SPRYD4: variants seen among roughly 807,000 people sequenced by gnomAD.
SPRYD4 encodes SPRY domain containing 4.
A neutral mutation model predicts 16.6 loss-of-function variants in SPRYD4; 12 were observed. That is an observed-to-expected ratio of 0.72 (90% CI 0.46 to 1.17). SPRYD4 has a LOEUF of 1.17. Ranked by LOEUF, SPRYD4 falls within the 50% of genes most tolerant of loss-of-function variation. The probability of loss-of-function intolerance (pLI) is 0.00; values close to 1 mark genes in which losing one functional copy is unlikely to be tolerated. For missense variants in SPRYD4, 260 were observed against 260.2 expected (o/e 1.00, Z 0.00); for synonymous variants, 98 against 105.4 (o/e 0.93, Z 0.43).
Position 56,472,100 on chromosome 12 carries a change from C to G in SPRYD4, c.*2523C>G. On this transcript the variant is annotated 3_prime_UTR_variant, in exon 2 of 2. Transcript: ENST00000338146. Reference sequence around the variant, plus strand: ...GTCTTATGATTACCCTCCTCCTCCCCTCCTTAACCCTTCAGTACCTTCAGC... The same window carrying G: ...GTCTTATGATTACCCTCCTCCTCCCGTCCTTAACCCTTCAGTACCTTCAGC... 6.2e-7 allele frequency: 1 copy of G among 1,613,148 alleles called. No homozygotes were observed. Among genetic ancestry groups the G allele is most frequent in the South Asian group, 1.1e-5 (1 of 90,996 alleles).
Position 56,471,874 on chromosome 12 carries a change from G to T in SPRYD4, c.*2297G>T. On this transcript the variant is annotated 3_prime_UTR_variant, in exon 2 of 2. Transcript: ENST00000338146. Reference sequence around the variant, plus strand: ...GCAGAAGGAAAATGAGAAGGCGCAGGTCTTGAACCCTTTGGTGCAGACACT... The same window carrying T: ...GCAGAAGGAAAATGAGAAGGCGCAGTTCTTGAACCCTTTGGTGCAGACACT... The T allele has an allele frequency of 6.3e-7, 1 of 1,599,136 alleles. No homozygotes were observed. Among genetic ancestry groups the T allele is most frequent in the Non-Finnish European group, 8.6e-7 (1 of 1,167,460 alleles).
Position 56,471,191 on chromosome 12 carries a change from G to T in SPRYD4, c.*1614G>T. The T allele has an allele frequency of 9.2e-6, 4 of 434,898 alleles. No homozygotes were observed. The highest frequency in any genetic ancestry group is 1.6e-5 in the Non-Finnish European group (4 of 248,452). 26.9% of individuals were successfully genotyped at this position (434,898 alleles called of 1,614,324 possible). The stretch of plus-strand genomic sequence containing the variant: ...GGTTTCTTCAGGGAGAGGAAGAGGA[G>T]ACCTGGGTGAAGAGCTGGGATGGTT... On this transcript the variant is annotated 3_prime_UTR_variant, in exon 2 of 2. Coordinates refer to ENST00000338146, the MANE Select transcript of SPRYD4 (RefSeq NM_207344.4).
Position 56,473,665 on chromosome 12 carries a change from T to C in SPRYD4, c.*4088T>C. The C allele has an allele frequency of 6.5e-7, 1 of 1,528,774 alleles. No homozygotes were observed. The highest frequency in any genetic ancestry group is 2.0e-5 in the Admixed American group (1 of 49,042). The allele number at this position is 1,528,774 out of a possible 1,614,324, so 94.7% of individuals were successfully genotyped here. On this transcript the variant is annotated 3_prime_UTR_variant, in exon 2 of 2. Coordinates refer to ENST00000338146, the MANE Select transcript of SPRYD4 (RefSeq NM_207344.4). ...ATCAGAAAATAAACAAGTTAGGCTG[T>C]ACTCTTAACAAGTTTACAAATGACT...
Position 56,478,843 on chromosome 12 carries a change from A to G in SPRYD4, c.*9266A>G. On this transcript the variant is annotated 3_prime_UTR_variant, in exon 2 of 2. Coordinates refer to ENST00000338146, the MANE Select transcript of SPRYD4 (RefSeq NM_207344.4). The stretch of plus-strand genomic sequence containing the variant: ...CCCCATCTCTACTAAAAATACAAAA[A>G]TTAGTCGGGCATGGTGGTGTATGCC... 1.9e-6 allele frequency: 1 copy of G among 537,920 alleles called. No homozygotes were observed. Among genetic ancestry groups the G allele is most frequent in the Non-Finnish European group, 3.2e-6 (1 of 315,246 alleles). 33.3% of individuals were successfully genotyped at this position (537,920 alleles called of 1,614,324 possible). A position where few individuals can be genotyped will look rare whatever the true frequency, so the allele number is the denominator to read the frequency against.
Position 56,472,792 on chromosome 12 carries a change from A to C in SPRYD4, c.*3215A>C. ...TACCCACATGACATTAATTGAACTC[A>C]CCTATGCCAGCTGTGCCCTGTGACC... On this transcript the variant is annotated 3_prime_UTR_variant, in exon 2 of 2. Coordinates refer to ENST00000338146, the MANE Select transcript of SPRYD4 (RefSeq NM_207344.4). 1.9e-5 allele frequency: 30 copies of C among 1,580,310 alleles called. No individual in the cohort carries two copies. The highest frequency in any genetic ancestry group is 2.7e-5 in the African/African-American group (2 of 73,760).
In SPRYD4 at chr12:56,471,245, C is replaced by T; in HGVS notation, c.*1668C>T. 2.0e-6 allele frequency: 1 copy of T among 490,938 alleles called. No individual in the cohort carries two copies. The highest frequency in any genetic ancestry group is 4.5e-5 in the South Asian group (1 of 22,182). The allele number at this position is 490,938 out of a possible 1,614,324, so 30.4% of individuals were successfully genotyped here. ...AGTGGGGCAAGCCATTAGGCTGTACCTTGAAGCCCAGTCTCTCTGGATAGC... is the reference window on the plus strand; with the variant it reads ...AGTGGGGCAAGCCATTAGGCTGTACTTTGAAGCCCAGTCTCTCTGGATAGC... On this transcript the variant is annotated 3_prime_UTR_variant, in exon 2 of 2. Transcript: ENST00000338146.
rs1279785119 is a variant in SPRYD4, at chr12:56,474,852, G to A, written c.*5275G>A. The A allele has an allele frequency of 6.2e-7, 1 of 1,614,196 alleles. No individual in the cohort carries two copies. The highest frequency in any genetic ancestry group is 1.1e-5 in the South Asian group (1 of 91,084). On this transcript the variant is annotated 3_prime_UTR_variant, in exon 2 of 2. Transcript: ENST00000338146. The stretch of plus-strand genomic sequence containing the variant: ...CTGAGCAGTGTTTTCTTACCTGGAA[G>A]TAGAGATCAAGGGCAGCCATCATGT...
In SPRYD4 at chr12:56,475,177, AC is replaced by A; in HGVS notation, c.*5602del. On this transcript the variant is annotated 3_prime_UTR_variant, in exon 2 of 2. Coordinates refer to ENST00000338146, the MANE Select transcript of SPRYD4 (RefSeq NM_207344.4). ...GGGTGTTGGGAGAAGGGGAAAAATT[AC>A]CTTCCCTGGAGAGACAGAACTACAT... 1 of 1,608,928 alleles carries A rather than the reference AC, an allele frequency of 6.2e-7. No homozygotes were observed. Among genetic ancestry groups the A allele is most frequent in the Non-Finnish European group, 8.5e-7 (1 of 1,179,998 alleles).
intron 1 of SPRYD4, 168 bp downstream of exon 1, chr12:56,468,844 G>A (rs928940822): frequency 9.7e-7 from 1 of 1,025,828 alleles, no homozygotes; most frequent in African/African-American, 1.6e-5. Flanking sequence ...TAAATTCCGG[G>A]ACTTACTCAA....
In SPRYD4 at chr12:56,474,980, C is replaced by T. The variant is rs1869672732; in HGVS notation, c.*5403C>T. 3 of 1,613,792 alleles carry T rather than the reference C, an allele frequency of 1.9e-6. No individual in the cohort carries two copies. The highest frequency in any genetic ancestry group is 1.7e-5 in the Admixed American group (1 of 60,008). On this transcript the variant is annotated 3_prime_UTR_variant, in exon 2 of 2. Transcript: ENST00000338146. ...AGGGTCTCAGCTGAAGCCCCCAACC[C>T]CTACTGCCCTTCCACTAGCAGCAGA...
chr12:56,472,778 C>A lies in SPRYD4; in HGVS notation c.*3201C>A. On this transcript the variant is annotated 3_prime_UTR_variant, in exon 2 of 2. Coordinates refer to ENST00000338146, the MANE Select transcript of SPRYD4 (RefSeq NM_207344.4). ...TGGAACACAAATCATACCCACATGA[C>A]ATTAATTGAACTCACCTATGCCAGC... The A allele has an allele frequency of 1.2e-6, 2 of 1,607,924 alleles. No homozygotes were observed. The highest frequency in any genetic ancestry group is 1.7e-6 in the Non-Finnish European group (2 of 1,175,196).
rs1565702982 is a variant in SPRYD4 at position 56,474,996 on chromosome 12, TAGC to T, written c.*5425_*5427del. 2.5e-6 allele frequency: 4 copies of T among 1,613,958 alleles called. No homozygotes were observed. The highest frequency in any genetic ancestry group is 2.2e-5 in the East Asian group (1 of 44,886). ...CCCCCAACCCCTACTGCCCTTCCAC[TAGC>T]AGCAGAATTCCCAGGGACTTTCTCT... On this transcript the variant is annotated 3_prime_UTR_variant, in exon 2 of 2. Coordinates refer to ENST00000338146, the MANE Select transcript of SPRYD4 (RefSeq NM_207344.4).
At position 56,468,698 on chromosome 12, in the gene SPRYD4, C is replaced by T. The variant is rs763439721; in HGVS notation, c.85+22C>T. The T allele has an allele frequency of 2.5e-6, 4 of 1,603,772 alleles. No homozygotes were observed. The South Asian group carries it at 4.4e-5, about 18-fold the overall frequency. On this transcript the variant is annotated intron_variant, in intron 1 of 1. Coordinates refer to ENST00000338146, the MANE Select transcript of SPRYD4 (RefSeq NM_207344.4). ...AGAGGTAGGATTATCTCTTTTTACTCTTTTACCTCCAGAATGGCTGCCGTC... is the reference window on the plus strand; with the variant it reads ...AGAGGTAGGATTATCTCTTTTTACTTTTTTACCTCCAGAATGGCTGCCGTC...
chr12:56,477,433 G>A lies in SPRYD4; in HGVS notation c.*7856G>A, dbSNP rs1358851729. On this transcript the variant is annotated 3_prime_UTR_variant, in exon 2 of 2. Coordinates refer to ENST00000338146, the MANE Select transcript of SPRYD4 (RefSeq NM_207344.4). ...AGCTCTAGGCTCTAGACTCATGGGT[G>A]GGGGCAGGGAACAGTACTGAGTGGG... 1 of 434,954 alleles carries A rather than the reference G, an allele frequency of 2.3e-6. No homozygotes were observed. The highest frequency in any genetic ancestry group is 2.0e-5 in the African/African-American group (1 of 49,998). The allele number at this position is 434,954 out of a possible 1,614,324, so 26.9% of individuals were successfully genotyped here. A position where few individuals can be genotyped will look rare whatever the true frequency, so the allele number is the denominator to read the frequency against.
chr12:56,479,604 T>G lies in SPRYD4; in HGVS notation c.*10027T>G. On this transcript the variant is annotated 3_prime_UTR_variant, in exon 2 of 2. Coordinates refer to ENST00000338146, the MANE Select transcript of SPRYD4 (RefSeq NM_207344.4). ...TTGAGTAGGGAGGGAAAGGAGAACA[T>G]GTATTTCTATATTGTTTGAACTCTT... 1 of 717,974 alleles carries G rather than the reference T, an allele frequency of 1.4e-6. No homozygotes were observed. The highest frequency in any genetic ancestry group is 2.0e-6 in the Non-Finnish European group (1 of 491,324). 44.5% of individuals were successfully genotyped at this position (717,974 alleles called of 1,614,324 possible). A position where few individuals can be genotyped will look rare whatever the true frequency, so the allele number is the denominator to read the frequency against.
In SPRYD4 at chr12:56,471,944, TC is replaced by T; in HGVS notation, c.*2370del. ...CAAGAGGGGAGGGGAAAAGGCCTCTTCCCATTTTGTACCCTGCAGCACTCAG... is the reference window on the plus strand; with the variant it reads ...CAAGAGGGGAGGGGAAAAGGCCTCTTCCATTTTGTACCCTGCAGCACTCAG... On this transcript the variant is annotated 3_prime_UTR_variant, in exon 2 of 2. Coordinates refer to ENST00000338146, the MANE Select transcript of SPRYD4 (RefSeq NM_207344.4). 1 of 1,331,420 alleles carries T rather than the reference TC, an allele frequency of 7.5e-7. No homozygotes were observed. Among genetic ancestry groups the T allele is most frequent in the Non-Finnish European group, 1.1e-6 (1 of 928,140 alleles). 82.5% of individuals were successfully genotyped at this position (1,331,420 alleles called of 1,614,324 possible).
chr12:56,479,492 T>C lies in SPRYD4; in HGVS notation c.*9915T>C, dbSNP rs1870113155. 1 of 389,604 alleles carries C rather than the reference T, an allele frequency of 2.6e-6. No individual in the cohort carries two copies. The highest frequency in any genetic ancestry group is 2.1e-5 in the African/African-American group (1 of 48,588). 24.1% of individuals were successfully genotyped at this position (389,604 alleles called of 1,614,324 possible). A position where few individuals can be genotyped will look rare whatever the true frequency, so the allele number is the denominator to read the frequency against. ...ATCATAAAAGTATATTTATATATAT[T>C]CATGTATGTATGTCAGTACATAGGA... On this transcript the variant is annotated 3_prime_UTR_variant, in exon 2 of 2. Coordinates refer to ENST00000338146, the MANE Select transcript of SPRYD4 (RefSeq NM_207344.4).
At position 56,479,655 on chromosome 12, in the gene SPRYD4, TGTAATAA is replaced by T. The variant is rs1565706215; in HGVS notation, c.*10086_*10092del. 1 of 1,144,022 alleles carries T rather than the reference TGTAATAA, an allele frequency of 8.7e-7. No homozygotes were observed. Among genetic ancestry groups the T allele is most frequent in the African/African-American group, 1.6e-5 (1 of 63,732 alleles). 70.9% of individuals were successfully genotyped at this position (1,144,022 alleles called of 1,614,324 possible). A position where few individuals can be genotyped will look rare whatever the true frequency, so the allele number is the denominator to read the frequency against. On this transcript the variant is annotated 3_prime_UTR_variant, in exon 2 of 2. Transcript: ENST00000338146. The stretch of plus-strand genomic sequence containing the variant: ...ATGATGAGTATTCATGTATAACTTA[TGTAATAA>T]GTAATAAAATAAAATGAGGAATTGA...
chr12:56,478,854 A>G lies in SPRYD4; in HGVS notation c.*9277A>G, dbSNP rs911019436. 1 of 584,880 alleles carries G rather than the reference A, an allele frequency of 1.7e-6. No individual in the cohort carries two copies. The highest frequency in any genetic ancestry group is 2.9e-6 in the Non-Finnish European group (1 of 347,274). 36.2% of individuals were successfully genotyped at this position (584,880 alleles called of 1,614,324 possible). A position where few individuals can be genotyped will look rare whatever the true frequency, so the allele number is the denominator to read the frequency against. The stretch of plus-strand genomic sequence containing the variant: ...CTAAAAATACAAAAATTAGTCGGGC[A>G]TGGTGGTGTATGCCAGCTACTCGGG... On this transcript the variant is annotated 3_prime_UTR_variant, in exon 2 of 2. Coordinates refer to ENST00000338146, the MANE Select transcript of SPRYD4 (RefSeq NM_207344.4).
Sources: allele counts gnomAD v4.1 joint callset, GRCh38; gene constraint gnomAD v4.1.1; transcripts MANE v1.5; gene names NCBI Gene and HGNC (gene_info 2026-07-23, HGNC 2026-07-21).